The following FCHO2 variants were observed in gnomAD, a reference collection of about 807,000 sequenced individuals.
FCHO2 encodes F-BAR domain only protein 2.
Under a neutral mutation model 114.1 loss-of-function variants are expected in FCHO2, and 43 were observed. The ratio of observed to expected loss-of-function variants is 0.38; its 90% CI spans 0.30 to 0.49. The LOEUF (loss-of-function observed/expected upper bound fraction) is 0.49, where lower values mean the gene tolerates loss of function less well. Among genes scored for constraint, FCHO2 ranks in the 20% least tolerant of loss-of-function variants. The pLI is 0.97. For missense variants in FCHO2, 807 were observed against 950.4 expected, an observed-to-expected ratio of 0.85 and a Z score of 1.98; for synonymous variants, 293 against 315.2, an observed-to-expected ratio of 0.93 and a Z score of 0.75.
chr5:72,959,731 T>G (rs186218121), intron 1 of FCHO2, among the ~76,000 whole-genome samples: 1 of 152,170 alleles, frequency 6.6e-6, no homozygotes, highest in Admixed American at 6.5e-5. Context: ...ACCTTTGATG[T>G]TTTAGGTCTG....
In FCHO2 at chr5:73,049,007, G is replaced by T. The variant is rs564822778; in HGVS notation, c.940-2342G>T. ...TTCTCCTGCCTCAGCCTCCCGAGTA[G>T]CTGGGACTACAGGCGCCCGCTACCA... On this transcript the variant is annotated intron_variant, in intron 11 of 25. Transcript: ENST00000430046. Among the ~76,000 whole-genome samples, 6 of 150,452 alleles carry T rather than the reference G, an allele frequency of 4.0e-5. No homozygotes were observed. In the South Asian group the frequency reaches 1.1e-3, roughly 26 times the overall value.
intron 8 of FCHO2, among the ~76,000 whole-genome samples, chr5:73,018,884 A>G (rs1755458511): frequency 6.6e-6 from 1 of 152,150 alleles, no homozygotes; most frequent in Admixed American, 6.5e-5. Flanking sequence ...ACACATCTTC[A>G]ATAGTTTTCC....
intron 18 of FCHO2, among the ~76,000 whole-genome samples, chr5:73,064,647 G>A (rs985845237): frequency 6.6e-6 from 1 of 152,016 alleles, no homozygotes; most frequent in Admixed American, 6.6e-5. Context: ...ATGTACAAGA[G>A]TCTTTATAAA....
rs577861133 is a variant in FCHO2 at position 72,971,167 on chromosome 5, G to A, written c.125+2578G>A. 2.3e-3 allele frequency among the ~76,000 whole-genome samples: 344 copies of A among 152,174 alleles called. 1 individual carries two copies. Among genetic ancestry groups the A allele is most frequent in the Non-Finnish European group, 4.0e-3 (269 of 67,992 alleles). ...ATAATGCCGCAATAAACATACATAT[G>A]CATGTGTCTTTATAGCAGCATGATT... On this transcript the variant is annotated intron_variant, in intron 2 of 25. Transcript: ENST00000430046.
chr5:73,007,133 T>C (rs1460099669), intron 6 of FCHO2, among the ~76,000 whole-genome samples: 1 of 152,320 alleles, frequency 6.6e-6, no homozygotes, highest in African/African-American at 2.4e-5. Context: ...TGATCTTACA[T>C]ACCAAGAATT....
At chr5:73,030,896 T>C (rs1266186544) in intron 8 of FCHO2, among the ~76,000 whole-genome samples, 1 of 152,238 alleles carries the variant, frequency 6.6e-6, no homozygotes, top group Non-Finnish European at 1.5e-5. Context: ...TGAAGTGTCA[T>C]TGATGTCTGC....
intron 17 of FCHO2, among the ~76,000 whole-genome samples, chr5:73,061,901 A>C (rs1182476141): frequency 1.3e-5 from 2 of 152,112 alleles, no homozygotes; most frequent in African/African-American, 2.4e-5. Context: ...AGCAGCTAAC[A>C]GTGCTGCTGC....
At chr5:72,981,128 A>G (rs1753186818) in intron 2 of FCHO2, among the ~76,000 whole-genome samples, 1 of 152,016 alleles carries the variant, frequency 6.6e-6, no homozygotes, top group Non-Finnish European at 1.5e-5. Context: ...AGCTCTTGTA[A>G]GACTGGCCTG....
At chr5:72,979,298 C>T (rs939061485) in intron 2 of FCHO2, among the ~76,000 whole-genome samples, 63 of 146,308 alleles carry the variant, frequency 4.3e-4, no homozygotes, top group African/African-American at 1.5e-3. Flanking sequence ...AGCTTGTTAT[C>T]GATCTGTCCA....
chr5:72,984,764 C>G (rs1334450094), intron 2 of FCHO2, among the ~76,000 whole-genome samples: 3 of 152,108 alleles, frequency 2.0e-5, no homozygotes, highest in Admixed American at 6.5e-5. Flanking sequence ...TCCCAAGTAG[C>G]TGGGGCTATA....
rs942265922 is a variant in FCHO2 at position 73,002,720 on chromosome 5, A to G, written c.496-3725A>G. ...TAAATAAATGTTTAGTTCCTAGCCT[A>G]TCACCACGCTGGGAACTATGAATGT... is the stretch of plus-strand genomic sequence containing the variant. On this transcript the variant is annotated intron_variant, in intron 5 of 25. Transcript: ENST00000430046. Among the ~76,000 whole-genome samples, 60 of 152,240 alleles carry G rather than the reference A, an allele frequency of 3.9e-4. 1 individual carries two copies. The highest frequency in any genetic ancestry group is 3.3e-3 in the Admixed American group (50 of 15,286).
intron 10 of FCHO2, chr5:73,037,900 C>T (rs1363217346): frequency 2.9e-5 from 9 of 308,430 alleles, no homozygotes; most frequent in Non-Finnish European, 5.8e-5. Flanking sequence ...GCTGGAATTA[C>T]GGCGCCCACC....
chr5:72,978,495 A>G (rs996909222), intron 2 of FCHO2, among the ~76,000 whole-genome samples: 9 of 152,210 alleles, frequency 5.9e-5, no homozygotes, highest in African/African-American at 2.2e-4. Context: ...TTACCAGCTT[A>G]AGGAGATTTT....
intron 5 of FCHO2, among the ~76,000 whole-genome samples, chr5:73,005,395 C>T (rs1754661244): frequency 6.6e-6 from 1 of 152,154 alleles, no homozygotes; most frequent in African/African-American, 2.4e-5. Flanking sequence ...GTCATGAGCT[C>T]TTGCATCCTC....
chr5:73,034,523 A>G (rs1561465316), intron 8 of FCHO2, 134 bp from the exon 9 acceptor site: 1 of 619,294 alleles, frequency 1.6e-6, no homozygotes, highest in East Asian at 3.0e-5. Context: ...AACAACTAGA[A>G]CCATTTCAGA....
At chr5:73,047,516 G>A (rs2112824510) in intron 11 of FCHO2, among the ~76,000 whole-genome samples, 1 of 149,726 alleles carries the variant, frequency 6.7e-6, no homozygotes, top group African/African-American at 2.5e-5. Flanking sequence ...AAAATTAGCA[G>A]TATTTCCTGG....
intron 5 of FCHO2, among the ~76,000 whole-genome samples, chr5:72,998,381 G>C (rs1357828743): frequency 1.3e-5 from 2 of 151,908 alleles, no homozygotes; most frequent in East Asian, 3.9e-4. Flanking sequence ...CAGCTACTCT[G>C]GAGGCTGAGG....
chr5:73,022,637 G>A (rs922632053), intron 8 of FCHO2, among the ~76,000 whole-genome samples: 26 of 152,324 alleles, frequency 1.7e-4, no homozygotes, highest in African/African-American at 5.8e-4. Context: ...AATATTGAGT[G>A]TTGGTACTCA....
chr5:72,973,713 T>C (rs1752701471), intron 2 of FCHO2, among the ~76,000 whole-genome samples: 1 of 150,960 alleles, frequency 6.6e-6, no homozygotes, highest in African/African-American at 2.4e-5. Flanking sequence ...TCAGTTCTGC[T>C]CTGATTTTAG....
Sources: gnomAD v4.1 joint callset for allele counts (sites outside exome capture counted in the v4.1 genomes callset) on GRCh38, gnomAD v4.1.1 for gene constraint, MANE v1.5 for transcripts, NCBI Gene and HGNC (gene_info 2026-07-23, HGNC 2026-07-21) for gene names.